METAP2: variants seen among roughly 807,000 people sequenced by gnomAD.
The protein encoded by METAP2 is methionine aminopeptidase 2.
In METAP2, 25 loss-of-function variants were observed where a neutral mutation model predicts 59.4. The observed-to-expected ratio is 0.42, with a 90% confidence interval of 0.31 to 0.59. The LOEUF is 0.59. Ranked by LOEUF, METAP2 falls within the 20% of genes least tolerant of loss-of-function variation. METAP2 has a pLI of 0.16. For missense variants in METAP2, 366 were observed against 581.2 expected (o/e 0.63, Z 3.81); for synonymous variants, 214 against 194.1 (o/e 1.10, Z -0.85).
At chr12:95,504,465 T>C (rs1470812944) in intron 8 of METAP2, among the ~76,000 whole-genome samples, 4 of 152,210 alleles carry the variant, frequency 2.6e-5, no homozygotes, top group African/African-American at 9.6e-5. Context: ...CATTGATGAC[T>C]TCTCATTGTG....
chr12:95,514,146 A>G lies in METAP2; in HGVS notation c.*242A>G. On this transcript the variant is annotated 3_prime_UTR_variant, in exon 11 of 11. Coordinates refer to ENST00000323666, the MANE Select transcript of METAP2 (RefSeq NM_006838.4). ...CCCTTCCTGTCTAGGAAAATGCTAT[A>G]AAGCTCAAATTAGTTAGGAATGACT... 4.0e-6 allele frequency: 2 copies of G among 496,818 alleles called. No individual in the cohort carries two copies. The highest frequency in any genetic ancestry group is 3.5e-6 in the Non-Finnish European group (1 of 286,872). The allele number at this position is 496,818 out of a possible 1,614,324, so 30.8% of individuals were successfully genotyped here.
Position 95,514,077 on chromosome 12 carries a change from C to T in METAP2, c.*173C>T. The T allele has an allele frequency of 1.4e-6, 1 of 738,274 alleles. No individual in the cohort carries two copies. The highest frequency in any genetic ancestry group is 2.0e-6 in the Non-Finnish European group (1 of 501,272). 45.7% of individuals were successfully genotyped at this position (738,274 alleles called of 1,614,324 possible). On this transcript the variant is annotated 3_prime_UTR_variant, in exon 11 of 11. Transcript: ENST00000323666. ...AAGGCAAACCGTCTAATGTAATTAA[C>T]CAACGAAAAAGCTTTCCGGACTTTT...
rs573814841 is a variant in METAP2, at chr12:95,475,846, C to T, written c.152-225C>T. 4.6e-5 allele frequency among the ~76,000 whole-genome samples: 7 copies of T among 152,254 alleles called. No individual in the cohort carries two copies. In the South Asian group the frequency reaches 1.5e-3, roughly 32 times the overall value. On this transcript the variant is annotated intron_variant, in intron 1 of 10. Transcript: ENST00000323666. ...GTTCACGCTGTTTATCTTTTAGCTG[C>T]TAGTGTGTGTAATGGATATTTTGTT...
In METAP2 at chr12:95,476,103, G is replaced by C; in HGVS notation, c.184G>C (p.Ala62Pro). Residue 62 changes from alanine to proline, a missense_variant, in exon 2 of 11, where the codon GCC (alanine) becomes CCC (proline). Ala to Pro is a conservative substitution (Grantham distance 27, BLOSUM62 -1). Transcript: ENST00000323666. The stretch of plus-strand genomic sequence containing the variant: ...ACAGGAACCTGATAAAGAATCAGGA[G>C]CCTCAGTGGATGAAGTAGCAAGACA... The part of the protein sequence containing the change: ...GEQEPDKESG[A>P]SVDEVARQLE... 6.2e-7 allele frequency: 1 copy of C among 1,611,364 alleles called. No individual in the cohort carries two copies. The highest frequency in any genetic ancestry group is 2.2e-5 in the East Asian group (1 of 44,752).
At chr12:95,513,134 A>ACACAG (rs1336299007) in intron 10 of METAP2, among the ~76,000 whole-genome samples, 2 of 100,046 alleles carry the variant, frequency 2.0e-5, no homozygotes, top group Non-Finnish European at 4.2e-5. Flanking sequence ...CACACACACA[A>ACACAG]GTGCTCTCTT....
In METAP2 at chr12:95,512,003, G is replaced by A. The variant is rs1157080396; in HGVS notation, c.1068+5G>A. On this transcript the variant is annotated splice_donor_5th_base_variant and intron_variant, in intron 9 of 10. Coordinates refer to ENST00000323666, the MANE Select transcript of METAP2 (RefSeq NM_006838.4). ...GGGGAGGCAACAAGAATGGAGGTAT[G>A]TGTGTCACTAACATTTTACTTCCAT... 1 of 1,594,688 alleles carries A rather than the reference G, an allele frequency of 6.3e-7. No homozygotes were observed. Among genetic ancestry groups the A allele is most frequent in the South Asian group, 1.1e-5 (1 of 89,782 alleles).
Position 95,504,176 on chromosome 12 carries a change from A to G in METAP2, c.964+15A>G, listed in dbSNP as rs769060329. 1 of 1,493,254 alleles carries G rather than the reference A, an allele frequency of 6.7e-7. No homozygotes were observed. The highest frequency in any genetic ancestry group is 9.3e-7 in the Non-Finnish European group (1 of 1,079,034). The allele number at this position is 1,493,254 out of a possible 1,614,324, so 92.5% of individuals were successfully genotyped here. ...GACATATCAAGGTATGTTCTTTTAA[A>G]ATATATCTTATTTTGAAATTGATTT... On this transcript the variant is annotated intron_variant, in intron 8 of 10. Coordinates refer to ENST00000323666, the MANE Select transcript of METAP2 (RefSeq NM_006838.4).
intron 5 of METAP2, 40 bp from the exon 6 acceptor site, chr12:95,494,917 A>G (rs765192427): frequency 6.5e-7 from 1 of 1,547,908 alleles, no homozygotes; most frequent in Non-Finnish European, 8.8e-7. Context: ...AAAAGTAAGA[A>G]TGTAAAAGTA....
chr12:95,499,570 A>AT (rs146566967), intron 7 of METAP2, among the ~76,000 whole-genome samples: 28,321 of 147,102 alleles, frequency 0.19, 2,991 homozygotes, highest in African/African-American at 0.27. Context: ...CGAATTTAGG[A>AT]TTTTTTTTTT....
chr12:95,511,667 C>T (rs1162996526), intron 8 of METAP2, among the ~76,000 whole-genome samples: 1 of 152,168 alleles, frequency 6.6e-6, no homozygotes, highest in Non-Finnish European at 1.5e-5. Context: ...GCTGGGATTA[C>T]AGGCATGAGC....
In METAP2 at chr12:95,496,806, A is replaced by T. The variant is rs1190743679; in HGVS notation, c.867+708A>T. Among the ~76,000 whole-genome samples the T allele has an allele frequency of 1.0e-4, 14 of 136,784 alleles. No individual in the cohort carries two copies. The South Asian group carries it at 1.2e-3, about 12-fold the overall frequency. 89.7% of individuals were successfully genotyped at this position (136,784 alleles called of 152,430 possible). On this transcript the variant is annotated intron_variant, in intron 7 of 10. Coordinates refer to ENST00000323666, the MANE Select transcript of METAP2 (RefSeq NM_006838.4). ...ATAGACATTACATAAAATTTACCATATTAACTTTTTCTTTCTTTTTTTTTT... is the reference window on the plus strand; with the variant it reads ...ATAGACATTACATAAAATTTACCATTTTAACTTTTTCTTTCTTTTTTTTTT...
At position 95,474,711 on chromosome 12, in the gene METAP2, C is replaced by A. The variant is rs12319158; in HGVS notation, c.151+381C>A. On this transcript the variant is annotated intron_variant, in intron 1 of 10. Transcript: ENST00000323666. ...GCCGCCTCAAAAATCCGATTCTGATCCGTATTGCCGCGTCTTTGCTGGTTT... is the reference window on the plus strand; with the variant it reads ...GCCGCCTCAAAAATCCGATTCTGATACGTATTGCCGCGTCTTTGCTGGTTT... Among the ~76,000 whole-genome samples, 482 of 152,306 alleles carry A rather than the reference C, an allele frequency of 3.2e-3. 3 individuals are homozygous for A. The highest frequency in any genetic ancestry group is 0.011 in the African/African-American group (458 of 41,568).
chr12:95,480,227 C>G (rs1283953292), intron 2 of METAP2, among the ~76,000 whole-genome samples: 1 of 152,210 alleles, frequency 6.6e-6, no homozygotes, highest in Non-Finnish European at 1.5e-5. Context: ...TTATCAATAG[C>G]ACATTCCTTT....
At chr12:95,506,166 C>A (rs957386196) in intron 8 of METAP2, among the ~76,000 whole-genome samples, 1 of 151,974 alleles carries the variant, frequency 6.6e-6, no homozygotes, top group African/African-American at 2.4e-5. Context: ...TGCAGCCCAA[C>A]CCCCTTGCTC....
intron 2 of METAP2, among the ~76,000 whole-genome samples, chr12:95,479,447 G>T (rs1405412302): frequency 3.3e-5 from 5 of 152,154 alleles, no homozygotes; most frequent in African/African-American, 9.7e-5. Flanking sequence ...TGCAGGCAAA[G>T]AAGAGGGTAC....
intron 8 of METAP2, among the ~76,000 whole-genome samples, chr12:95,511,358 ATTT>A (rs1481302970): frequency 1.6e-5 from 1 of 62,716 alleles, no homozygotes; most frequent in East Asian, 4.7e-4. Flanking sequence ...TTAATCCTGT[ATTT>A]CTTTCTTCCA....
chr12:95,482,593 A>C (rs1170418258), intron 2 of METAP2, among the ~76,000 whole-genome samples: 1 of 150,486 alleles, frequency 6.6e-6, no homozygotes, highest in Non-Finnish European at 1.5e-5. Flanking sequence ...AGCCTGGTCA[A>C]CATGGCGAAA....
At chr12:95,489,790 A>G (rs1385251809) in intron 4 of METAP2, among the ~76,000 whole-genome samples, 1 of 152,174 alleles carries the variant, frequency 6.6e-6, no homozygotes, top group African/African-American at 2.4e-5. Flanking sequence ...GTGAGCTGAG[A>G]TGACACCATT....
chr12:95,495,645 T>A (rs998175182), intron 6 of METAP2, among the ~76,000 whole-genome samples: 2 of 152,178 alleles, frequency 1.3e-5, no homozygotes, highest in African/African-American at 4.8e-5. Context: ...TAAAAGTATA[T>A]TCAGAGCCCT....
Sources: gnomAD v4.1 joint callset for allele counts (sites outside exome capture counted in the v4.1 genomes callset) on GRCh38, gnomAD v4.1.1 for gene constraint, MANE v1.5 for transcripts, NCBI Gene and HGNC (gene_info 2026-07-23, HGNC 2026-07-21) for gene names.